Variants in CCSER1 observed in about 807,000 individuals in gnomAD.
The protein encoded by CCSER1 is coiled-coil serine rich protein 1.
Under a neutral mutation model 82.0 loss-of-function variants are expected in CCSER1, and 41 were observed. The observed-to-expected ratio is 0.50, with a 90% CI of 0.39 to 0.65. CCSER1 has a LOEUF of 0.65. Ranked by LOEUF, CCSER1 falls within the 30% of genes least tolerant of loss-of-function variation. CCSER1 has a pLI of 0.00. For missense variants in CCSER1, 1,119 were observed against 1,064.2 expected, an observed-to-expected ratio of 1.05 and a Z score of -0.72; for synonymous variants, 414 against 383.9, an observed-to-expected ratio of 1.08 and a Z score of -0.92.
At chr4:91,400,534 A>G (rs1173864458) in intron 10 of CCSER1, among the ~76,000 whole-genome samples, 1 of 148,762 alleles carries the variant, frequency 6.7e-6, no homozygotes, top group Non-Finnish European at 1.5e-5. Flanking sequence ...ATTATCTAGG[A>G]TGCATCATTT....
chr4:90,262,608 C>T (rs1724534786), intron 1 of CCSER1, among the ~76,000 whole-genome samples: 1 of 152,116 alleles, frequency 6.6e-6, no homozygotes, highest in South Asian at 2.1e-4. Flanking sequence ...TTGCTAAAGC[C>T]AGTGGGTAGA....
At chr4:91,320,290 G>A (rs1009900100) in intron 10 of CCSER1, among the ~76,000 whole-genome samples, 1 of 151,976 alleles carries the variant, frequency 6.6e-6, no homozygotes, top group African/African-American at 2.4e-5. Context: ...CTATTTATGA[G>A]ACCATGAAGA....
At chr4:91,378,294 G>T (rs925616707) in intron 10 of CCSER1, among the ~76,000 whole-genome samples, 19 of 152,212 alleles carry the variant, frequency 1.2e-4, no homozygotes, top group African/African-American at 3.4e-4. Flanking sequence ...AAGAAAGTCA[G>T]TGGTAGCTTG....
At chr4:90,329,166 T>C (rs979385889) in intron 3 of CCSER1, among the ~76,000 whole-genome samples, 3 of 152,160 alleles carry the variant, frequency 2.0e-5, no homozygotes, top group Non-Finnish European at 2.9e-5. Flanking sequence ...ACTTACAAAA[T>C]TGGAATACTT....
intron 1 of CCSER1, among the ~76,000 whole-genome samples, chr4:90,290,890 A>G (rs1730804948): frequency 6.6e-6 from 1 of 152,048 alleles, no homozygotes; most frequent in Non-Finnish European, 1.5e-5. Flanking sequence ...TTACTGTTGT[A>G]TATGTAATAT....
chr4:90,644,402 G>A (rs993389198), intron 6 of CCSER1, among the ~76,000 whole-genome samples: 5 of 152,168 alleles, frequency 3.3e-5, no homozygotes, highest in African/African-American at 1.2e-4. Context: ...CACTCAAAAA[G>A]TTGTAGATTT....
At chr4:91,364,826 TAGTA>T (rs1408284271) in intron 10 of CCSER1, among the ~76,000 whole-genome samples, 1 of 152,084 alleles carries the variant, frequency 6.6e-6, no homozygotes, top group Non-Finnish European at 1.5e-5. Flanking sequence ...AGACATCAAA[TAGTA>T]AGTTTTAATT....
At chr4:90,638,780 A>G (rs1050406716) in intron 6 of CCSER1, among the ~76,000 whole-genome samples, 2 of 152,138 alleles carry the variant, frequency 1.3e-5, no homozygotes, top group African/African-American at 4.8e-5. Flanking sequence ...AGATTAGAGA[A>G]GGTGGAGAAA....
intron 10 of CCSER1, among the ~76,000 whole-genome samples, chr4:91,497,740 A>G (rs1172442798): frequency 6.6e-6 from 1 of 152,004 alleles, no homozygotes; most frequent in East Asian, 1.9e-4. Flanking sequence ...AAAAGACAAA[A>G]CAGATGTATA....
At chr4:90,299,691 A>G (rs1174026907) in intron 1 of CCSER1, among the ~76,000 whole-genome samples, 4 of 152,066 alleles carry the variant, frequency 2.6e-5, no homozygotes, top group African/African-American at 9.7e-5. Flanking sequence ...ACAGCAAAAC[A>G]TTTTGGAAAT....
chr4:90,562,190 C>CAAAA (rs35279708), intron 5 of CCSER1, among the ~76,000 whole-genome samples: 2 of 57,000 alleles, frequency 3.5e-5, no homozygotes, highest in African/African-American at 4.7e-5. Context: ...AACTCCATCT[C>CAAAA]AAAAAAAAAA....
chr4:91,473,204 AT>A (rs757287278), intron 10 of CCSER1, among the ~76,000 whole-genome samples: 3 of 152,196 alleles, frequency 2.0e-5, no homozygotes, highest in Non-Finnish European at 2.9e-5. Context: ...CATCATAAAC[AT>A]TTTTAACTAG....
chr4:90,783,007 C>G (rs1754019911), intron 7 of CCSER1, among the ~76,000 whole-genome samples: 1 of 152,034 alleles, frequency 6.6e-6, no homozygotes, highest in African/African-American at 2.4e-5. Context: ...AATTTTGGCT[C>G]ACTGCAACAC....
At position 91,010,518 on chromosome 4, in the gene CCSER1, C is replaced by T. The variant is rs140415529; in HGVS notation, c.2173-75432C>T. On this transcript the variant is annotated intron_variant, in intron 9 of 10. Transcript: ENST00000509176. ...ACTAAGCTTACTGCCCCATTTTTGA[C>T]GCTTTCCTTTCTGGAAATCCCATAA... Among the ~76,000 whole-genome samples, 146 of 113,318 alleles carry T rather than the reference C, an allele frequency of 1.3e-3. 33 individuals carry two copies. Among genetic ancestry groups the T allele is most frequent in the South Asian group, 4.9e-3 (17 of 3,486 alleles). 74.3% of individuals were successfully genotyped at this position (113,318 alleles called of 152,430 possible).
At position 90,562,641 on chromosome 4, in the gene CCSER1, G is replaced by A. The variant is rs149821998; in HGVS notation, c.1725-65384G>A. On this transcript the variant is annotated intron_variant, in intron 5 of 10. Coordinates refer to ENST00000509176, the MANE Select transcript of CCSER1 (RefSeq NM_001145065.2). Reference sequence around the variant, plus strand: ...CAGCCTTGACTTCCCAGAATCAAACGATTCTTCTGCCCCAGCCTCCCAAGT... The same window carrying A: ...CAGCCTTGACTTCCCAGAATCAAACAATTCTTCTGCCCCAGCCTCCCAAGT... 1.8e-4 allele frequency among the ~76,000 whole-genome samples: 28 copies of A among 151,900 alleles called. 1 individual carries two copies. The East Asian group carries it at 5.5e-3, about 30-fold the overall frequency.
intron 10 of CCSER1, among the ~76,000 whole-genome samples, chr4:91,249,293 G>C (rs1202401035): frequency 6.6e-6 from 1 of 152,052 alleles, no homozygotes; most frequent in Non-Finnish European, 1.5e-5. Context: ...CAAGGGGGAG[G>C]AAAAAGTCCT....
intron 8 of CCSER1, among the ~76,000 whole-genome samples, chr4:90,918,615 G>A (rs1727880946): frequency 6.8e-6 from 1 of 147,348 alleles, no homozygotes; most frequent in African/African-American, 2.4e-5. Flanking sequence ...TACCTATTAT[G>A]TCTTTCATGC....
chr4:91,356,083 T>C (rs1748809857), intron 10 of CCSER1, among the ~76,000 whole-genome samples: 1 of 152,210 alleles, frequency 6.6e-6, no homozygotes, highest in Non-Finnish European at 1.5e-5. Flanking sequence ...AGCTTATCTG[T>C]TTCTTGTGCT....
chr4:91,039,929 T>C (rs375749785), intron 9 of CCSER1, among the ~76,000 whole-genome samples: 1 of 152,134 alleles, frequency 6.6e-6, no homozygotes, highest in African/African-American at 2.4e-5. Context: ...CTCTGTTTGT[T>C]GTCATGTGTA....
Sources: allele counts gnomAD v4.1 joint callset (sites outside exome capture counted in the v4.1 genomes callset), GRCh38; gene constraint gnomAD v4.1.1; transcripts MANE v1.5; gene names NCBI Gene and HGNC (gene_info 2026-07-23, HGNC 2026-07-21).